Variants in OPCML observed in about 807,000 individuals in gnomAD.
The protein encoded by OPCML is opioid binding protein/cell adhesion molecule like, also known as opioid-binding protein/cell adhesion molecule.
A neutral mutation model predicts 37.8 loss-of-function variants in OPCML; 13 were observed. The observed-to-expected ratio is 0.34, with a 90% CI of 0.22 to 0.55. The LOEUF (loss-of-function observed/expected upper bound fraction) is 0.55. Ranked by LOEUF, OPCML falls within the 20% of genes least tolerant of loss-of-function variation. OPCML has a pLI of 0.91. For synonymous variants in OPCML, 176 were observed against 168.8 expected (o/e 1.04, Z -0.33); for missense variants, 341 against 435.6 (o/e 0.78, Z 1.93).
At chr11:132,610,863 T>C (rs1219060664) in intron 3 of OPCML, among the ~76,000 whole-genome samples, 1 of 152,230 alleles carries the variant, frequency 6.6e-6, no homozygotes, top group Non-Finnish European at 1.5e-5. Context: ...TTGATCACTT[T>C]GTATTCAAAA....
intron 3 of OPCML, among the ~76,000 whole-genome samples, chr11:132,572,179 C>G (rs1294743068): frequency 1.3e-5 from 2 of 151,452 alleles, no homozygotes; most frequent in Non-Finnish European, 2.9e-5. Flanking sequence ...TTAACCCTTA[C>G]TGGACATAAT....
intron 1 of OPCML, among the ~76,000 whole-genome samples, chr11:133,457,545 C>T (rs1946698761): frequency 1.3e-5 from 2 of 151,504 alleles, no homozygotes; most frequent in African/African-American, 4.9e-5. Context: ...TATCTATGGC[C>T]TCTTTTTATT....
At chr11:133,037,641 G>A (rs1947806277) in intron 1 of OPCML, among the ~76,000 whole-genome samples, 1 of 152,128 alleles carries the variant, frequency 6.6e-6, no homozygotes, top group Non-Finnish European at 1.5e-5. Flanking sequence ...CAGCTGCTGG[G>A]TAGGAAATTC....
At chr11:132,891,879 G>A (rs1050419948) in intron 2 of OPCML, among the ~76,000 whole-genome samples, 20 of 151,374 alleles carry the variant, frequency 1.3e-4, no homozygotes, top group African/African-American at 3.2e-4. Flanking sequence ...TCTTCATCCC[G>A]CCCATCCTCT....
intron 1 of OPCML, among the ~76,000 whole-genome samples, chr11:133,124,244 T>C (rs1949465482): frequency 6.6e-6 from 1 of 151,922 alleles, no homozygotes; most frequent in Non-Finnish European, 1.5e-5. Flanking sequence ...TCCCTGAAGG[T>C]GAAGGTTAAG....
intron 2 of OPCML, among the ~76,000 whole-genome samples, chr11:132,733,391 A>G (rs561575737): frequency 2.6e-5 from 4 of 152,236 alleles, no homozygotes; most frequent in Non-Finnish European, 5.9e-5. Flanking sequence ...TTGTCTGCTA[A>G]GAGGCACATA....
intron 2 of OPCML, among the ~76,000 whole-genome samples, chr11:132,803,280 T>G (rs987857940): frequency 6.6e-6 from 1 of 152,334 alleles, no homozygotes. Flanking sequence ...AATGCACATG[T>G]GTTTTAGCAC....
intron 2 of OPCML, among the ~76,000 whole-genome samples, chr11:132,778,861 AC>A (rs1478585895): frequency 6.6e-6 from 1 of 152,084 alleles, no homozygotes; most frequent in Non-Finnish European, 1.5e-5. Context: ...TGCCAATATA[AC>A]TTTTGACAAA....
intron 2 of OPCML, among the ~76,000 whole-genome samples, chr11:132,845,256 G>A (rs1196665723): frequency 2.0e-5 from 3 of 151,994 alleles, no homozygotes; most frequent in African/African-American, 7.3e-5. Context: ...GTCAGCACTT[G>A]AATTTCTGCA....
At chr11:132,861,838 T>TAAAAAA (rs58457650) in intron 2 of OPCML, among the ~76,000 whole-genome samples, 3 of 94,258 alleles carry the variant, frequency 3.2e-5, no homozygotes, top group Non-Finnish European at 6.9e-5. Flanking sequence ...CCATCTCAAA[T>TAAAAAA]AAAAAAAAAA....
At chr11:132,725,909 A>G (rs1178050582) in intron 2 of OPCML, among the ~76,000 whole-genome samples, 1 of 152,198 alleles carries the variant, frequency 6.6e-6, no homozygotes, top group African/African-American at 2.4e-5. Context: ...ACATAACAAG[A>G]GTTACCTTTG....
At chr11:132,903,901 G>A (rs923270430) in intron 2 of OPCML, among the ~76,000 whole-genome samples, 2 of 152,316 alleles carry the variant, frequency 1.3e-5, no homozygotes, top group East Asian at 1.9e-4. Flanking sequence ...CGAAATTGGC[G>A]TTAAATTGTA....
chr11:133,388,067 G>C (rs573601133), intron 1 of OPCML, among the ~76,000 whole-genome samples: 1 of 152,236 alleles, frequency 6.6e-6, no homozygotes, highest in East Asian at 1.9e-4. Flanking sequence ...TTTATTCGGA[G>C]TCTTAAGGGA....
chr11:132,932,316 A>G (rs1432502628), intron 2 of OPCML, among the ~76,000 whole-genome samples: 1 of 152,130 alleles, frequency 6.6e-6, no homozygotes, highest in Admixed American at 6.5e-5. Flanking sequence ...CATTCTACGT[A>G]TTTTTACCAC....
intron 1 of OPCML, among the ~76,000 whole-genome samples, chr11:133,435,479 GGTATT>G (rs1946215009): frequency 6.6e-6 from 1 of 152,174 alleles, no homozygotes; most frequent in Admixed American, 6.5e-5. Context: ...AGTTTACTCA[GGTATT>G]GTCAGAGGAG....
chr11:132,826,362 G>C (rs1338421383), intron 2 of OPCML, among the ~76,000 whole-genome samples: 2 of 152,180 alleles, frequency 1.3e-5, no homozygotes, highest in Non-Finnish European at 2.9e-5. Context: ...TGCCAGGAAG[G>C]GTTTCTTATC....
At chr11:132,891,647 A>G (rs1477154433) in intron 2 of OPCML, among the ~76,000 whole-genome samples, 1 of 152,314 alleles carries the variant, frequency 6.6e-6, no homozygotes, top group East Asian at 1.9e-4. Context: ...TTAGGCCTCC[A>G]GTGTCTAGAA....
intron 1 of OPCML, among the ~76,000 whole-genome samples, chr11:133,437,108 G>T (rs916570953): frequency 6.6e-6 from 1 of 152,060 alleles, no homozygotes; most frequent in Non-Finnish European, 1.5e-5. Flanking sequence ...TAATTTATAC[G>T]ACATCTTATT....
At chr11:133,325,210 C>T (rs1045675358) in intron 1 of OPCML, among the ~76,000 whole-genome samples, 1 of 152,210 alleles carries the variant, frequency 6.6e-6, no homozygotes, top group Non-Finnish European at 1.5e-5. Context: ...CTGCTTCAGA[C>T]GTGCTGTATT....
Sources: gnomAD v4.1 joint callset for allele counts (sites outside exome capture counted in the v4.1 genomes callset) on GRCh38, gnomAD v4.1.1 for gene constraint, MANE v1.5 for transcripts, NCBI Gene and HGNC (gene_info 2026-07-23, HGNC 2026-07-21) for gene names.